Variants in DIP2C observed in about 807,000 individuals in gnomAD.
DIP2C encodes disco-interacting protein 2 homolog C.
In DIP2C, 33 loss-of-function variants were observed where a neutral mutation model predicts 192.4. The observed-to-expected ratio is 0.17, with a 90% confidence interval of 0.13 to 0.23. The LOEUF (loss-of-function observed/expected upper bound fraction) is 0.23. Ranked by LOEUF, DIP2C falls within the 10% of genes least tolerant of loss-of-function variation. DIP2C has a pLI of 1.00. For missense variants in DIP2C, 1,537 were observed against 2,110.1 expected (o/e 0.73, Z 5.32); for synonymous variants, 979 against 864.1 (o/e 1.13, Z -2.33).
chr10:457,619 G>C (rs1481474655), intron 3 of DIP2C, among the ~76,000 whole-genome samples: 2 of 152,226 alleles, frequency 1.3e-5, no homozygotes, highest in East Asian at 3.9e-4. Flanking sequence ...GCAGTGATGT[G>C]ACAACAGCTC....
rs531280612 is a variant in DIP2C, at chr10:625,694, C to T, written c.85+63800G>A. Among the ~76,000 whole-genome samples, 3 of 152,344 alleles carry T rather than the reference C, an allele frequency of 2.0e-5. No homozygotes were observed. The South Asian group carries it at 6.2e-4, about 32-fold the overall frequency. Reference sequence around the variant, plus strand: ...ATCACGGCTGAAGCAGGAACGAGCTCTTAATAGTTCCAGTAAATGCAAAGG... The same window carrying T: ...ATCACGGCTGAAGCAGGAACGAGCTTTTAATAGTTCCAGTAAATGCAAAGG... On this transcript the variant is annotated intron_variant, in intron 1 of 36. Coordinates refer to ENST00000280886, the MANE Select transcript of DIP2C (RefSeq NM_014974.3).
rs373427311 is a variant in DIP2C at position 363,324 on chromosome 10, A to G, written c.2478-13T>C. The G allele has an allele frequency of 2.2e-4, 360 of 1,608,696 alleles. No homozygotes were observed. The Middle Eastern group carries it at 2.6e-3, about 12-fold the overall frequency. On this transcript the variant is annotated splice_polypyrimidine_tract_variant and intron_variant, in intron 20 of 36. Coordinates refer to ENST00000280886, the MANE Select transcript of DIP2C (RefSeq NM_014974.3). The surrounding 1 kb of genome is among the most constrained non-coding windows in gnomAD (Gnocchi z 5.4). ...GAACACGGCTATCCTGCGGGGACAC[A>G]GGAGCATGGTGAGCACGCGCCGGGG...
chr10:527,999 A>G (rs867415661), intron 1 of DIP2C, among the ~76,000 whole-genome samples: 1 of 152,170 alleles, frequency 6.6e-6, no homozygotes, highest in Non-Finnish European at 1.5e-5. Context: ...CCCCGCCAGC[A>G]TGGCAATCAC....
intron 1 of DIP2C, among the ~76,000 whole-genome samples, chr10:547,222 C>CA (rs1326297161): frequency 6.6e-6 from 1 of 152,234 alleles, no homozygotes; most frequent in Non-Finnish European, 1.5e-5. Context: ...GGAGCTCCCC[C>CA]AGCCCCCATC....
chr10:521,103 TAAAC>T (rs1050419877), intron 1 of DIP2C, among the ~76,000 whole-genome samples: 7 of 152,232 alleles, frequency 4.6e-5, no homozygotes, highest in African/African-American at 1.4e-4. Flanking sequence ...TATACATTAG[TAAAC>T]AAACGAGCAT....
intron 28 of DIP2C, among the ~76,000 whole-genome samples, chr10:342,176 T>G (rs72653042): frequency 6.6e-6 from 1 of 151,738 alleles, no homozygotes; most frequent in Non-Finnish European, 1.5e-5. Context: ...TTTTTTTTTT[T>G]GAGATGGAGT....
At chr10:550,878 A>T (rs1190816703) in intron 1 of DIP2C, among the ~76,000 whole-genome samples, 1 of 152,232 alleles carries the variant, frequency 6.6e-6, no homozygotes, top group Non-Finnish European at 1.5e-5. Context: ...AGGTCAGCAC[A>T]GCCAGTCAGG....
At chr10:449,815 G>C (rs936166206) in intron 3 of DIP2C, among the ~76,000 whole-genome samples, 4 of 146,590 alleles carry the variant, frequency 2.7e-5, no homozygotes, top group African/African-American at 1.0e-4. Context: ...AACACATTCA[G>C]TTACCTAATT....
rs539463790 is a variant in DIP2C at position 446,565 on chromosome 10, T to C, written c.269-5569A>G. 8.5e-5 allele frequency among the ~76,000 whole-genome samples: 13 copies of C among 152,358 alleles called. No homozygotes were observed. In the South Asian group the frequency reaches 2.7e-3, roughly 32 times the overall value. The stretch of plus-strand genomic sequence containing the variant: ...TCATGCCTTCCAAGTCTGTGCCTTT[T>C]AGTTCTCCTGACTCACTTCATTGAC... On this transcript the variant is annotated intron_variant, in intron 3 of 36. Coordinates refer to ENST00000280886, the MANE Select transcript of DIP2C (RefSeq NM_014974.3).
At chr10:606,284 G>A (rs906898662) in intron 1 of DIP2C, among the ~76,000 whole-genome samples, 29 of 152,102 alleles carry the variant, frequency 1.9e-4, no homozygotes, top group Non-Finnish European at 3.8e-4. Flanking sequence ...CTGTCCGAGG[G>A]GGAAGACACC....
At chr10:517,160 A>G (rs1380945164) in intron 1 of DIP2C, among the ~76,000 whole-genome samples, 2 of 151,874 alleles carry the variant, frequency 1.3e-5, no homozygotes, top group Non-Finnish European at 2.9e-5. Context: ...CTCCCATCAT[A>G]CACATCCCCA....
chr10:548,911 C>CAAAAAAAAAAAA lies in DIP2C; in HGVS notation c.86-62393_86-62382dup, dbSNP rs61437915. Among the ~76,000 whole-genome samples, 97 of 26,424 alleles carry CAAAAAAAAAAAA rather than the reference C, an allele frequency of 3.7e-3. 5 individuals are homozygous for CAAAAAAAAAAAA. Among genetic ancestry groups the CAAAAAAAAAAAA allele is most frequent in the African/African-American group, 9.7e-3 (72 of 7,400 alleles). 17.3% of individuals were successfully genotyped at this position (26,424 alleles called of 152,430 possible). A position where few individuals can be genotyped will look rare whatever the true frequency, so the allele number is the denominator to read the frequency against. On this transcript the variant is annotated intron_variant, in intron 1 of 36. Coordinates refer to ENST00000280886, the MANE Select transcript of DIP2C (RefSeq NM_014974.3). The stretch of plus-strand genomic sequence containing the variant: ...CATTGCAGGAAAAAATAGCAGCTCA[C>CAAAAAAAAAAAA]AAAAAAAAAAAAAAAAAAAAAAAAA...
rs1175761522 is a variant in DIP2C at position 409,022 on chromosome 10, G to A, written c.1058-5C>T. On this transcript the variant is annotated splice_polypyrimidine_tract_variant and splice_region_variant and intron_variant, in intron 8 of 36. Coordinates refer to ENST00000280886, the MANE Select transcript of DIP2C (RefSeq NM_014974.3). ...TACTTCTTGTCCACAGCTTGCCTAT[G>A]AATACAAATCACAGACAAATGTGCG... The A allele has an allele frequency of 6.8e-6, 11 of 1,613,820 alleles. No homozygotes were observed. Among genetic ancestry groups the A allele is most frequent in the Non-Finnish European group, 9.3e-6 (11 of 1,179,904 alleles).
intron 10 of DIP2C, among the ~76,000 whole-genome samples, chr10:395,077 GA>G (rs1963867401): frequency 7.1e-6 from 1 of 140,448 alleles, no homozygotes; most frequent in Admixed American, 7.3e-5. Flanking sequence ...GCAGTGAATA[GA>G]ATGGTGACCA....
At chr10:663,060 G>A (rs1856860840) in intron 1 of DIP2C, 1 of 624,856 alleles carries the variant, frequency 1.6e-6, no homozygotes, top group South Asian at 2.0e-5. Context: ...GGCAGATGGT[G>A]ACCGTGACCC....
chr10:340,999 A>G, intron 29 of DIP2C, 200 bp downstream of exon 29: 2 of 734,824 alleles, frequency 2.7e-6, no homozygotes, highest in African/African-American at 1.7e-5. Flanking sequence ...CCTGCTGCAG[A>G]AAGTCAAAGT....
intron 1 of DIP2C, among the ~76,000 whole-genome samples, chr10:528,768 C>A (rs893791590): frequency 6.6e-6 from 1 of 152,194 alleles, no homozygotes; most frequent in African/African-American, 2.4e-5. Context: ...AGTACCACTG[C>A]ATCAGTGCTT....
At chr10:481,430 C>T (rs1843601640) in intron 2 of DIP2C, among the ~76,000 whole-genome samples, 1 of 152,204 alleles carries the variant, frequency 6.6e-6, no homozygotes, top group Admixed American at 6.5e-5. Flanking sequence ...AAGGCAGCCA[C>T]TGCAAGCAAC....
chr10:618,309 C>A (rs1853606989), intron 1 of DIP2C, among the ~76,000 whole-genome samples: 1 of 152,238 alleles, frequency 6.6e-6, no homozygotes, highest in South Asian at 2.1e-4. Flanking sequence ...AAACTGGGTT[C>A]TGGCTGGCTT....
Sources: allele counts gnomAD v4.1 joint callset (sites outside exome capture counted in the v4.1 genomes callset), GRCh38; gene constraint gnomAD v4.1.1; non-coding constraint Gnocchi (gnomAD v3.1); transcripts MANE v1.5; gene names NCBI Gene and HGNC (gene_info 2026-07-23, HGNC 2026-07-21).